Variants in LDAH observed in about 807,000 individuals in gnomAD.
LDAH encodes lipid droplet associated hydrolase, also known as lipid droplet-associated hydrolase.
LDAH carries 26 observed loss-of-function variants against 29.6 expected under a neutral mutation model. That is an observed-to-expected ratio of 0.88 (90% CI 0.64 to 1.22). LDAH has a LOEUF of 1.22. Ranked by LOEUF, LDAH falls within the 50% of genes most tolerant of loss-of-function variation. LDAH has a pLI of 0.00. For missense variants in LDAH, 344 were observed against 387.3 expected, an observed-to-expected ratio of 0.89 and a Z score of 0.94; for synonymous variants, 117 against 133.0, an observed-to-expected ratio of 0.88 and a Z score of 0.83.
At chr2:20,730,468 C>T (rs1666322178) in intron 5 of LDAH, among the ~76,000 whole-genome samples, 1 of 151,774 alleles carries the variant, frequency 6.6e-6, no homozygotes. Flanking sequence ...TCCTTACCAG[C>T]ATTTATGGTT....
At chr2:20,731,096 T>C (rs1430617238) in intron 5 of LDAH, among the ~76,000 whole-genome samples, 5 of 152,256 alleles carry the variant, frequency 3.3e-5, no homozygotes, top group Admixed American at 2.6e-4. Context: ...TGCTCGGATT[T>C]TGATAGCAAC....
intron 4 of LDAH, among the ~76,000 whole-genome samples, chr2:20,772,039 G>A (rs1669469821): frequency 6.6e-6 from 1 of 152,176 alleles, no homozygotes; most frequent in Non-Finnish European, 1.5e-5. Context: ...AAAGCTATAA[G>A]AAAGCACATT....
chr2:20,786,001 T>C (rs567045460), intron 3 of LDAH, among the ~76,000 whole-genome samples: 170 of 152,302 alleles, frequency 1.1e-3, no homozygotes, highest in African/African-American at 3.8e-3. Context: ...TGGTAATAAG[T>C]ATATATCTGA....
At chr2:20,725,972 C>T (rs1034955481) in intron 5 of LDAH, among the ~76,000 whole-genome samples, 3 of 152,170 alleles carry the variant, frequency 2.0e-5, no homozygotes, top group Non-Finnish European at 4.4e-5. Flanking sequence ...TGTTATTTAC[C>T]TCTGGACTGC....
intron 4 of LDAH, among the ~76,000 whole-genome samples, chr2:20,744,223 ATTTTTT>A (rs3047719): frequency 7.6e-6 from 1 of 131,230 alleles, no homozygotes; most frequent in Non-Finnish European, 1.6e-5. Context: ...TTCTCCTCAG[ATTTTTT>A]TTTTTTTTTT....
At chr2:20,769,947 T>C (rs571345757) in intron 4 of LDAH, among the ~76,000 whole-genome samples, 49 of 152,178 alleles carry the variant, frequency 3.2e-4, no homozygotes, top group African/African-American at 1.1e-3. Context: ...AGAGAGGAGA[T>C]AGAAAAACTA....
chr2:20,813,570 C>T (rs1247498798), intron 1 of LDAH, among the ~76,000 whole-genome samples: 2 of 152,188 alleles, frequency 1.3e-5, no homozygotes, highest in South Asian at 4.1e-4. Flanking sequence ...TTCTCACATA[C>T]ATTCATATCT....
chr2:20,745,278 G>A (rs1351671934), intron 4 of LDAH, among the ~76,000 whole-genome samples: 1 of 152,086 alleles, frequency 6.6e-6, no homozygotes, highest in Non-Finnish European at 1.5e-5. Context: ...AGTGTACAAG[G>A]CACACAAAGA....
intron 1 of LDAH, among the ~76,000 whole-genome samples, chr2:20,808,657 C>CA (rs57055848): frequency 0.021 from 1,670 of 78,492 alleles, 14 homozygotes; most frequent in East Asian, 0.042. Flanking sequence ...GACTCCGTCT[C>CA]AAAAAAAAAA....
chr2:20,789,060 G>A (rs138738422), intron 3 of LDAH: 2 of 1,448,748 alleles, frequency 1.4e-6, no homozygotes, highest in Non-Finnish European at 1.9e-6. Flanking sequence ...ATTAAATCTT[G>A]CTCCCTTCTG....
intron 6 of LDAH, among the ~76,000 whole-genome samples, chr2:20,700,008 C>G (rs1477305205): frequency 1.3e-5 from 2 of 152,186 alleles, no homozygotes; most frequent in Non-Finnish European, 2.9e-5. Context: ...TCTAGTTGTT[C>G]AGCAAGTGTG....
intron 4 of LDAH, among the ~76,000 whole-genome samples, chr2:20,756,251 T>C (rs1372618673): frequency 6.6e-6 from 1 of 152,060 alleles, no homozygotes; most frequent in Non-Finnish European, 1.5e-5. Flanking sequence ...GTCAGGCTGG[T>C]CTCGAACTCC....
chr2:20,777,788 T>C (rs995080428), intron 3 of LDAH, among the ~76,000 whole-genome samples: 1 of 152,198 alleles, frequency 6.6e-6, no homozygotes, highest in Admixed American at 6.5e-5. Flanking sequence ...AAAGACTATA[T>C]ACTTGATTAT....
At chr2:20,732,156 T>C (rs1666456370) in intron 5 of LDAH, among the ~76,000 whole-genome samples, 1 of 152,190 alleles carries the variant, frequency 6.6e-6, no homozygotes, top group Non-Finnish European at 1.5e-5. Flanking sequence ...TTTATCTTCT[T>C]TAGCCTGTTA....
At chr2:20,767,207 G>A (rs901783416) in intron 4 of LDAH, among the ~76,000 whole-genome samples, 17 of 152,206 alleles carry the variant, frequency 1.1e-4, no homozygotes, top group Non-Finnish European at 2.2e-4. Context: ...CATGCTCCAT[G>A]GAGCCACTAG....
intron 6 of LDAH, among the ~76,000 whole-genome samples, 190 bp downstream of exon 6, chr2:20,701,380 T>G (rs1558389938): frequency 6.6e-6 from 1 of 152,238 alleles, no homozygotes; most frequent in Admixed American, 6.5e-5. Flanking sequence ...AAAAATAAGT[T>G]ATTATGCAAT....
At chr2:20,741,928 T>C (rs761448699) in intron 4 of LDAH, among the ~76,000 whole-genome samples, 35 of 152,242 alleles carry the variant, frequency 2.3e-4, no homozygotes, top group Non-Finnish European at 3.7e-4. Flanking sequence ...TCAATGGACA[T>C]GGAGTACATA....
intron 1 of LDAH, among the ~76,000 whole-genome samples, chr2:20,821,205 T>C (rs987522178): frequency 2.6e-5 from 4 of 152,334 alleles, no homozygotes; most frequent in Middle Eastern, 6.8e-3. Context: ...GAAGTCAGTG[T>C]GGCGATTCCT....
chr2:20,760,437 C>T (rs1428165234), intron 4 of LDAH, among the ~76,000 whole-genome samples: 1 of 152,228 alleles, frequency 6.6e-6, no homozygotes, highest in African/African-American at 2.4e-5. Context: ...AGTTTCTGCA[C>T]ATCAGGAGTC....
Sources: allele counts gnomAD v4.1 joint callset (sites outside exome capture counted in the v4.1 genomes callset), GRCh38; gene constraint gnomAD v4.1.1; transcripts MANE v1.5; gene names NCBI Gene and HGNC (gene_info 2026-07-23, HGNC 2026-07-21).